The following TLE4 variants were observed in gnomAD, a reference collection of about 807,000 sequenced individuals.
TLE4 encodes the protein transducin-like enhancer protein 4.
TLE4 carries 8 observed loss-of-function variants against 92.8 expected under a neutral mutation model. The observed-to-expected ratio is 0.09, with a 90% confidence interval of 0.05 to 0.16. The LOEUF is 0.16. Among genes scored for constraint, TLE4 ranks in the 10% least tolerant of loss-of-function variants. The pLI, the probability that TLE4 is intolerant of heterozygous loss-of-function variation, is 1.00. For synonymous variants in TLE4, 371 were observed against 374.1 expected, an observed-to-expected ratio of 0.99 and a Z score of 0.10; for missense variants, 675 against 997.6, an observed-to-expected ratio of 0.68 and a Z score of 4.36.
At chr9:79,681,565 T>C (rs907764408) in intron 8 of TLE4, among the ~76,000 whole-genome samples, 2 of 152,126 alleles carry the variant, frequency 1.3e-5, no homozygotes, top group African/African-American at 4.8e-5. Flanking sequence ...CTCTCAGGAA[T>C]TGAAGATCGA....
chr9:79,626,739 G>A (rs144597297), intron 5 of TLE4, among the ~76,000 whole-genome samples: 90 of 152,168 alleles, frequency 5.9e-4, no homozygotes, highest in African/African-American at 2.0e-3. Flanking sequence ...AAAAATTATC[G>A]TACACTTTTG....
chr9:79,593,116 G>C (rs2043101765), intron 4 of TLE4, among the ~76,000 whole-genome samples: 1 of 151,884 alleles, frequency 6.6e-6, no homozygotes, highest in Admixed American at 6.6e-5. Flanking sequence ...TGATAGTAAG[G>C]AAAGTTAAGA....
At chr9:79,718,111 C>T (rs2074927465) in intron 14 of TLE4, 3 of 456,160 alleles carry the variant, frequency 6.6e-6, no homozygotes, top group African/African-American at 4.0e-5. Context: ...TTTAGGTTCT[C>T]ATTCCATTTG....
intron 8 of TLE4, chr9:79,663,439 A>G (rs1056424815): frequency 2.6e-5 from 4 of 152,216 alleles, no homozygotes; most frequent in African/African-American, 9.6e-5. Context: ...GAAACTGCCA[A>G]AACGGCAGAG....
Position 79,725,654 on chromosome 9 carries a change from G to A in TLE4, c.*510G>A, listed in dbSNP as rs1307943983. 1 of 130,112 alleles carries A rather than the reference G, an allele frequency of 7.7e-6. No individual in the cohort carries two copies. The highest frequency in any genetic ancestry group is 2.9e-5 in the African/African-American group (1 of 34,826). The allele number at this position is 130,112 out of a possible 1,614,324, so 8.1% of individuals were successfully genotyped here. A position where few individuals can be genotyped will look rare whatever the true frequency, so the allele number is the denominator to read the frequency against. ...TAATTACACATGGAAGCAATATGTT[G>A]CTGTGTTGTTATTAGGTTTTTTTTG... On this transcript the variant is annotated 3_prime_UTR_variant, in exon 20 of 20. Transcript: ENST00000376552.
chr9:79,605,230 G>C (rs1417081), intron 4 of TLE4, among the ~76,000 whole-genome samples: 35,697 of 151,842 alleles, frequency 0.24, 4,610 homozygotes, highest in African/African-American at 0.35. Flanking sequence ...TTCTTTCTCT[G>C]CTCCTTCTGA....
At chr9:79,584,671 A>T (rs78528564) in intron 4 of TLE4, among the ~76,000 whole-genome samples, 1 of 152,210 alleles carries the variant, frequency 6.6e-6, no homozygotes. Flanking sequence ...GTGTGATTTA[A>T]TATTTTTAAG....
Position 79,722,588 on chromosome 9 carries a change from G to C in TLE4, c.2124G>C (p.Lys708Asn). 6.2e-7 allele frequency: 1 copy of C among 1,614,068 alleles called. No homozygotes were observed. Among genetic ancestry groups the C allele is most frequent in the Non-Finnish European group, 8.5e-7 (1 of 1,180,002 alleles). ...HLHESCVLSL[K>N]FAHCGKWFVS... The stretch of plus-strand genomic sequence containing the variant: ...ATGAGAGCTGTGTGCTGTCGCTCAA[G>C]TTTGCCCATTGTGGTAAGCAAGCAC... The change falls in exon 18 of 20, where the codon AAG (lysine) becomes AAC (asparagine). Residue 708 changes from lysine (K) to asparagine (N), a missense_variant. Coordinates refer to ENST00000376552, the MANE Select transcript of TLE4 (RefSeq NM_007005.6).
chr9:79,681,721 T>G (rs2064645558), intron 8 of TLE4, among the ~76,000 whole-genome samples: 1 of 151,410 alleles, frequency 6.6e-6, no homozygotes, highest in South Asian at 2.1e-4. Context: ...CAAGGATTCC[T>G]TAACTACTTC....
chr9:79,689,296 T>C (rs1180219135), intron 8 of TLE4, among the ~76,000 whole-genome samples: 1 of 151,306 alleles, frequency 6.6e-6, no homozygotes, highest in Non-Finnish European at 1.5e-5. Flanking sequence ...TCAATTTCCC[T>C]GTGGTGTGTG....
intron 19 of TLE4, among the ~76,000 whole-genome samples, chr9:79,723,346 T>C (rs2075935777): frequency 6.6e-6 from 1 of 152,176 alleles, no homozygotes; most frequent in African/African-American, 2.4e-5. Context: ...TGTATGTCTT[T>C]TGTAATTTTT....
At chr9:79,603,589 T>A (rs1175250977) in intron 4 of TLE4, among the ~76,000 whole-genome samples, 2 of 152,156 alleles carry the variant, frequency 1.3e-5, no homozygotes, top group African/African-American at 4.8e-5. Flanking sequence ...GTTTGTACTA[T>A]ACTGTAGTAC....
At chr9:79,652,551 A>G (rs1345818587) in intron 6 of TLE4, 42 bp from the exon 7 acceptor site, 8 of 1,607,630 alleles carry the variant, frequency 5.0e-6, no homozygotes, top group Non-Finnish European at 6.8e-6. Context: ...GGGGTTGGAT[A>G]TGGGGGCAAA....
chr9:79,589,126 C>T (rs1007673952), intron 4 of TLE4, among the ~76,000 whole-genome samples: 1 of 152,098 alleles, frequency 6.6e-6, no homozygotes, highest in Non-Finnish European at 1.5e-5. Context: ...TCAGTAGTGC[C>T]AACACTCAGA....
At chr9:79,678,745 A>G (rs991430319) in intron 8 of TLE4, among the ~76,000 whole-genome samples, 11 of 151,784 alleles carry the variant, frequency 7.2e-5, no homozygotes, top group African/African-American at 2.7e-4. Context: ...ATCATTAGGT[A>G]TATGTCCTAA....
At position 79,576,020 on chromosome 9, in the gene TLE4, T is replaced by C. The variant is rs2037643663; in HGVS notation, c.208-113T>C. ...ATTGGCATAGGTTATATGAAGATAC[T>C]GGTTTAGGTGAGGCTTTTATGTTTG... On this transcript the variant is annotated intron_variant, in intron 3 of 19. Coordinates refer to ENST00000376552, the MANE Select transcript of TLE4 (RefSeq NM_007005.6). 8.4e-6 allele frequency: 5 copies of C among 593,258 alleles called. No individual in the cohort carries two copies. The South Asian group carries it at 2.6e-4, about 30-fold the overall frequency. 36.7% of individuals were successfully genotyped at this position (593,258 alleles called of 1,614,324 possible). A position where few individuals can be genotyped will look rare whatever the true frequency, so the allele number is the denominator to read the frequency against.
chr9:79,583,979 G>A (rs118131955), intron 4 of TLE4, among the ~76,000 whole-genome samples: 2 of 152,298 alleles, frequency 1.3e-5, no homozygotes, highest in Non-Finnish European at 2.9e-5. Flanking sequence ...ATAACACTGA[G>A]GCTTAAGGGC....
intron 8 of TLE4, among the ~76,000 whole-genome samples, chr9:79,694,878 T>C (rs886678053): frequency 3.3e-5 from 5 of 152,016 alleles, no homozygotes; most frequent in African/African-American, 1.2e-4. Context: ...GTCACTATTC[T>C]CTAAATGAGC....
chr9:79,718,550 C>A (rs761565320), intron 14 of TLE4, among the ~76,000 whole-genome samples, 172 bp from the exon 15 acceptor site: 11 of 152,206 alleles, frequency 7.2e-5, no homozygotes, highest in Non-Finnish European at 1.5e-4. Context: ...CCTGTAGCAG[C>A]CTAGCTGTAT....
Sources: allele counts gnomAD v4.1 joint callset (sites outside exome capture counted in the v4.1 genomes callset), GRCh38; gene constraint gnomAD v4.1.1; transcripts MANE v1.5; gene names NCBI Gene and HGNC (gene_info 2026-07-23, HGNC 2026-07-21).